LONP2: variants seen among roughly 807,000 people sequenced by gnomAD.
The protein encoded by LONP2 is lon peptidase 2, peroxisomal.
In LONP2, 60 loss-of-function variants were observed where a neutral mutation model predicts 85.6. The ratio of observed to expected loss-of-function variants is 0.70; its 90% confidence interval spans 0.57 to 0.87. The LOEUF (loss-of-function observed/expected upper bound fraction) is 0.87. LONP2 is among the 40% of genes least tolerant of loss of function. The probability of loss-of-function intolerance (pLI) is 0.00; values close to 1 mark genes in which losing one functional copy is unlikely to be tolerated. For missense variants in LONP2, 860 were observed against 1,063.5 expected (o/e 0.81, Z 2.66); for synonymous variants, 395 against 389.7 (o/e 1.01, Z -0.16).
At chr16:48,277,215 C>G in intron 7 of LONP2, 123 bp from the exon 8 acceptor site, 1 of 815,414 alleles carries the variant, frequency 1.2e-6, no homozygotes, top group South Asian at 1.9e-5. Flanking sequence ...TACATAGTAC[C>G]TCTTTGCTAT....
intron 8 of LONP2, 147 bp downstream of exon 8, chr16:48,277,626 A>G: frequency 1.6e-6 from 1 of 637,984 alleles, no homozygotes; most frequent in Non-Finnish European, 2.4e-6. Flanking sequence ...GCAATTTGGC[A>G]CTTAAATTAA....
chr16:48,348,838 GT>G (rs1597005566), intron 14 of LONP2, among the ~76,000 whole-genome samples: 1 of 152,140 alleles, frequency 6.6e-6, no homozygotes, highest in African/African-American at 2.4e-5. Context: ...AAATATTAGT[GT>G]GGTCATCAGA....
chr16:48,251,878 G>A (rs1971658307), intron 1 of LONP2, among the ~76,000 whole-genome samples: 1 of 152,108 alleles, frequency 6.6e-6, no homozygotes, highest in South Asian at 2.1e-4. Context: ...AATAATCCAA[G>A]TGTTTACAAA....
intron 8 of LONP2, among the ~76,000 whole-genome samples, chr16:48,282,815 C>T (rs1456058245): frequency 6.6e-6 from 1 of 151,980 alleles, no homozygotes; most frequent in Non-Finnish European, 1.5e-5. Context: ...AAGGAAGAGT[C>T]ACACATCTCA....
At chr16:48,343,156 T>A (rs187095181) in intron 12 of LONP2, among the ~76,000 whole-genome samples, 118 of 152,318 alleles carry the variant, frequency 7.7e-4, no homozygotes, top group African/African-American at 2.6e-3. Flanking sequence ...TTCATGCTTA[T>A]GTCCCCATGG....
At chr16:48,332,370 G>A (rs111299359) in intron 11 of LONP2, among the ~76,000 whole-genome samples, 3,015 of 152,240 alleles carry the variant, frequency 0.02, 42 homozygotes, top group Non-Finnish European at 0.032. Flanking sequence ...GAGGTCAGGA[G>A]TTCAAGACCA....
chr16:48,244,498 G>T lies in LONP2; in HGVS notation c.110G>T (p.Arg37Leu). 1 of 1,596,564 alleles carries T rather than the reference G, an allele frequency of 6.3e-7. No homozygotes were observed. Among genetic ancestry groups the T allele is most frequent in the Non-Finnish European group, 8.5e-7 (1 of 1,175,554 alleles). The change falls in exon 1 of 15, where the codon CGC (arginine) becomes CTC (leucine). Residue 37 changes from arginine to leucine, a missense_variant. Around this residue, in one of 3 missense-constraint regions of LONP2, gnomAD observed 743 missense variants for 917.3 expected, o/e 0.81. Coordinates refer to ENST00000285737, the MANE Select transcript of LONP2 (RefSeq NM_031490.5). ...ATGCGCACCAGCGTGGACTCGGCCC[G>T]CAACCTGCAGCTGGTGCGGAGCCGC... ...STMRTSVDSA[R>L]NLQLVRSRLL...
intron 9 of LONP2, 61 bp from the exon 10 acceptor site, chr16:48,299,596 AAAAAC>A (rs1314513520): frequency 6.5e-7 from 1 of 1,550,248 alleles, no homozygotes; most frequent in Non-Finnish European, 8.7e-7. Context: ...AAAAAAAACA[AAAAAC>A]AAAGCATGGC....
At chr16:48,310,540 C>T (rs766202647) in intron 11 of LONP2, among the ~76,000 whole-genome samples, 4 of 151,922 alleles carry the variant, frequency 2.6e-5, no homozygotes, top group Admixed American at 2.6e-4. Flanking sequence ...TTAGTACAGA[C>T]GGGATTTTGT....
chr16:48,281,597 T>G (rs1191521167), intron 8 of LONP2, among the ~76,000 whole-genome samples: 1 of 152,198 alleles, frequency 6.6e-6, no homozygotes, highest in Non-Finnish European at 1.5e-5. Flanking sequence ...CAGACTTTAT[T>G]GTTAAATATG....
At chr16:48,340,741 G>A (rs918475210) in intron 12 of LONP2, among the ~76,000 whole-genome samples, 1 of 150,856 alleles carries the variant, frequency 6.6e-6, no homozygotes, top group African/African-American at 2.4e-5. Context: ...TGGGCGGATC[G>A]CTTGAGTTCG....
chr16:48,250,241 G>C (rs576148893), intron 1 of LONP2, among the ~76,000 whole-genome samples: 1 of 152,114 alleles, frequency 6.6e-6, no homozygotes, highest in Admixed American at 6.5e-5. Flanking sequence ...CCAGCACTTT[G>C]GGAGGCCAAG....
chr16:48,249,532 G>C (rs17750580), intron 1 of LONP2, among the ~76,000 whole-genome samples: 9,730 of 152,136 alleles, frequency 0.064, 366 homozygotes, highest in Middle Eastern at 0.14. Context: ...GTCTCACCAG[G>C]TACTCTGTTT....
chr16:48,261,450 A>T lies in LONP2; in HGVS notation c.750A>T (p.Arg250Ser), dbSNP rs756673210. ...KRVIAIRPIRRITHISGTLED... is the reference protein window; with the variant it reads ...KRVIAIRPIRSITHISGTLED... ...TTATAGCAATACGCCCTATTAGGAG[A>T]ATTACACATATCTCAGGTACTTTAG... Residue 250 changes from arginine to serine, a missense_variant, in exon 5 of 15, where the codon AGA becomes AGT. Coordinates refer to ENST00000285737, the MANE Select transcript of LONP2 (RefSeq NM_031490.5). 6.2e-7 allele frequency: 1 copy of T among 1,607,814 alleles called. No homozygotes were observed. The highest frequency in any genetic ancestry group is 8.5e-7 in the Non-Finnish European group (1 of 1,176,562).
At chr16:48,329,778 A>G (rs992933705) in intron 11 of LONP2, among the ~76,000 whole-genome samples, 4 of 152,200 alleles carry the variant, frequency 2.6e-5, no homozygotes, top group Non-Finnish European at 5.9e-5. Flanking sequence ...CATTACTTGA[A>G]AACACTTAGG....
At chr16:48,276,232 G>A (rs938783639) in intron 7 of LONP2, among the ~76,000 whole-genome samples, 4 of 152,098 alleles carry the variant, frequency 2.6e-5, no homozygotes, top group Non-Finnish European at 4.4e-5. Flanking sequence ...CACCTTTCCC[G>A]GATGAAAGGC....
At chr16:48,257,062 A>C (rs1210940136) in intron 3 of LONP2, among the ~76,000 whole-genome samples, 2 of 152,238 alleles carry the variant, frequency 1.3e-5, no homozygotes, top group South Asian at 2.1e-4. Context: ...CTGTAGTCCC[A>C]GCACTTTGGG....
chr16:48,272,747 T>TA, intron 7 of LONP2, among the ~76,000 whole-genome samples: 1 of 152,318 alleles, frequency 6.6e-6, no homozygotes, highest in South Asian at 2.1e-4. Context: ...AGATGTTTGA[T>TA]TAACTACTAT....
chr16:48,325,068 G>T (rs912519746), intron 11 of LONP2, among the ~76,000 whole-genome samples: 1 of 152,076 alleles, frequency 6.6e-6, no homozygotes, highest in African/African-American at 2.4e-5. Context: ...GTTTTTCCAC[G>T]GACCTGTGGG....
Sources: allele counts gnomAD v4.1 joint callset (sites outside exome capture counted in the v4.1 genomes callset), GRCh38; gene constraint gnomAD v4.1.1; regional missense constraint gnomAD v4.1.1; transcripts MANE v1.5; gene names NCBI Gene and HGNC (gene_info 2026-07-23, HGNC 2026-07-21).